CEP41: variants seen among roughly 807,000 people sequenced by gnomAD.
CEP41 encodes centrosomal protein of 41 kDa.
In CEP41, 32 loss-of-function variants were observed where a neutral mutation model predicts 44.3. The observed-to-expected ratio is 0.72, with a 90% CI of 0.54 to 0.97. CEP41 has a LOEUF of 0.97. Among genes scored for constraint, CEP41 ranks in the 50% least tolerant of loss-of-function variants. CEP41 has a pLI of 0.00. For synonymous variants in CEP41, 151 were observed against 168.5 expected (o/e 0.90, Z 0.80); for missense variants, 432 against 455.2 (o/e 0.95, Z 0.46).
chr7:130,418,486 A>G (rs1797402894), intron 2 of CEP41, among the ~76,000 whole-genome samples: 1 of 152,162 alleles, frequency 6.6e-6, no homozygotes, highest in Non-Finnish European at 1.5e-5. Flanking sequence ...CAGCTTCCCA[A>G]GTCTCATTCT....
At chr7:130,404,841 C>A in intron 5 of CEP41, 133 bp from the exon 6 acceptor site, 1 of 781,696 alleles carries the variant, frequency 1.3e-6, no homozygotes, top group Admixed American at 2.0e-5. Flanking sequence ...TGCTAACGTA[C>A]AAGTTCCCAA....
upstream of CEP41, chr7:130,441,368 A>C (rs542959302): frequency 2.5e-5 from 9 of 367,248 alleles, no homozygotes; most frequent in Middle Eastern, 9.1e-4. Context: ...ACAACACAAG[A>C]CTCCCCATCC....
chr7:130,432,966 CTGGG>C (rs1443050907), intron 1 of CEP41, among the ~76,000 whole-genome samples: 12 of 151,924 alleles, frequency 7.9e-5, no homozygotes, highest in African/African-American at 2.7e-4. Flanking sequence ...GGAGAGGCAC[CTGGG>C]ATGAAACTCA....
chr7:130,407,258 ACACACACACACAC>A (rs1797042967), intron 5 of CEP41, among the ~76,000 whole-genome samples: 2 of 116,500 alleles, frequency 1.7e-5, no homozygotes, highest in South Asian at 2.6e-4. Context: ...GAGTAAACAC[ACACACACACACAC>A]ACACACACAC....
At chr7:130,428,651 C>T (rs1358762994) in intron 1 of CEP41, among the ~76,000 whole-genome samples, 23 of 151,232 alleles carry the variant, frequency 1.5e-4, no homozygotes, top group African/African-American at 5.6e-4. Context: ...CGGTGGCTCA[C>T]ACCTGTAATC....
chr7:130,430,793 T>G (rs1458212215), intron 1 of CEP41, among the ~76,000 whole-genome samples: 1 of 152,246 alleles, frequency 6.6e-6, no homozygotes, highest in Non-Finnish European at 1.5e-5. Flanking sequence ...TTCCTGTTTT[T>G]ACTTTTGTTT....
At position 130,395,434 on chromosome 7, in the gene CEP41, T is replaced by C; in HGVS notation, c.*3457A>G. 1 of 454,080 alleles carries C rather than the reference T, an allele frequency of 2.2e-6. No individual in the cohort carries two copies. Among genetic ancestry groups the C allele is most frequent in the Non-Finnish European group, 4.4e-6 (1 of 226,776 alleles). 28.1% of individuals were successfully genotyped at this position (454,080 alleles called of 1,614,324 possible). Reference sequence around the variant, plus strand: ...GAAAATAAACACACATTAAAGACACTGAGAACGTTTTAGAACTGGAGAAAG... The same window carrying C: ...GAAAATAAACACACATTAAAGACACCGAGAACGTTTTAGAACTGGAGAAAG... On this transcript the variant is annotated 3_prime_UTR_variant, in exon 11 of 11. Transcript: ENST00000223208.
intron 5 of CEP41, among the ~76,000 whole-genome samples, chr7:130,405,242 G>T (rs1198526554): frequency 6.6e-6 from 1 of 152,256 alleles, no homozygotes; most frequent in South Asian, 2.1e-4. Flanking sequence ...AATTACCAGG[G>T]TTATCTCAAG....
chr7:130,404,051 G>A (rs1796933666), intron 6 of CEP41, among the ~76,000 whole-genome samples: 1 of 152,160 alleles, frequency 6.6e-6, no homozygotes, highest in Non-Finnish European at 1.5e-5. Flanking sequence ...CTTGGAATAA[G>A]GAGGCCCATG....
Position 130,399,816 on chromosome 7 carries a change from T to C in CEP41, c.973+223A>G, listed in dbSNP as rs1164894455. ...GCCTGGGTGACAGAGCAAGACTCTG[T>C]CTCAAAAAAAAAAAAAGTCGCTATG... On this transcript the variant is annotated intron_variant, in intron 10 of 10. Transcript: ENST00000223208. 5 of 348,976 alleles carry C rather than the reference T, an allele frequency of 1.4e-5. No homozygotes were observed. In the East Asian group the frequency reaches 2.0e-4, roughly 14 times the overall value. 21.6% of individuals were successfully genotyped at this position (348,976 alleles called of 1,614,324 possible). A position where few individuals can be genotyped will look rare whatever the true frequency, so the allele number is the denominator to read the frequency against.
chr7:130,397,351 T>C lies in CEP41; in HGVS notation c.*1540A>G, dbSNP rs575381782. On this transcript the variant is annotated 3_prime_UTR_variant, in exon 11 of 11. Transcript: ENST00000223208. ...GTTTGATTTCTAAAGCATCGGAAAA[T>C]GTTGCACTTTGGAAATCAAGTAGAG... 2.2e-6 allele frequency: 1 copy of C among 454,426 alleles called. No homozygotes were observed. Among genetic ancestry groups the C allele is most frequent in the African/African-American group, 2.0e-5 (1 of 50,076 alleles). 28.1% of individuals were successfully genotyped at this position (454,426 alleles called of 1,614,324 possible).
At chr7:130,439,919 CTCAGT>C (rs1798091152) in intron 1 of CEP41, among the ~76,000 whole-genome samples, 1 of 152,236 alleles carries the variant, frequency 6.6e-6, no homozygotes, top group Non-Finnish European at 1.5e-5. Flanking sequence ...CTCTCACTCC[CTCAGT>C]TGAGTACTAC....
intron 1 of CEP41, among the ~76,000 whole-genome samples, chr7:130,428,859 G>A (rs948559054): frequency 2.7e-5 from 4 of 150,434 alleles, no homozygotes; most frequent in South Asian, 2.1e-4. Context: ...TGCGGTGAGC[G>A]GAGATCGTGC....
At chr7:130,440,573 T>G (rs1259911014) in intron 1 of CEP41, 3 of 464,762 alleles carry the variant, frequency 6.5e-6, no homozygotes, top group African/African-American at 5.9e-5. Flanking sequence ...AGATGCTGGC[T>G]GGCTTTCAAC....
rs1796886818 is a variant in CEP41 at position 130,402,662 on chromosome 7, C to T, written c.560G>A (p.Cys187Tyr). The stretch of plus-strand genomic sequence containing the variant: ...CTCTCTCTTACCTCCAACAATGTGG[C>T]ACTGCTGGTAAGAATCTCTATCACG... ...DVRDRDSYQQ[C>Y]HIVGAYSYPI... Residue 187 changes from cysteine (C) to tyrosine (Y), a missense_variant, in exon 7 of 11, where the codon TGC (cysteine) becomes TAC (tyrosine). Coordinates refer to ENST00000223208, the MANE Select transcript of CEP41 (RefSeq NM_018718.3). 1 of 1,614,110 alleles carries T rather than the reference C, an allele frequency of 6.2e-7. No individual in the cohort carries two copies. Among genetic ancestry groups the T allele is most frequent in the South Asian group, 1.1e-5 (1 of 91,074 alleles).
intron 4 of CEP41, 82 bp from the exon 5 acceptor site, chr7:130,411,273 A>C: frequency 9.4e-7 from 1 of 1,060,014 alleles, no homozygotes; most frequent in African/African-American, 1.6e-5. Flanking sequence ...AAGACGAGGG[A>C]ACAACAAACA....
chr7:130,399,185 A>G (rs542117387), intron 10 of CEP41, 146 bp from the exon 11 acceptor site: 5 of 893,806 alleles, frequency 5.6e-6, no homozygotes, highest in Non-Finnish European at 8.9e-6. Context: ...TAGGCCAACG[A>G]TGGCCTACTC....
intron 2 of CEP41, among the ~76,000 whole-genome samples, chr7:130,417,616 C>A (rs1472144878): frequency 2.0e-5 from 3 of 152,202 alleles, no homozygotes; most frequent in Non-Finnish European, 4.4e-5. Context: ...AATACTAGTA[C>A]TGGCCAAGGT....
Position 130,400,795 on chromosome 7 carries a change from AATG to A in CEP41, c.666_668del (p.Ile223del). The A allele has an allele frequency of 1.2e-6, 2 of 1,612,434 alleles. No individual in the cohort carries two copies. The highest frequency in any genetic ancestry group is 2.2e-5 in the East Asian group (1 of 44,876). ...CCAGCCTTTCATCATCGTCATACAG[AATG>A]ATGATCTTGCCATGGGCATTTTTCT... On this transcript the variant is annotated inframe_deletion, in exon 9 of 11. Coordinates refer to ENST00000223208, the MANE Select transcript of CEP41 (RefSeq NM_018718.3).
Sources: allele counts gnomAD v4.1 joint callset (sites outside exome capture counted in the v4.1 genomes callset), GRCh38; gene constraint gnomAD v4.1.1; transcripts MANE v1.5; gene names NCBI Gene and HGNC (gene_info 2026-07-23, HGNC 2026-07-21).